Variants in EDIL3 observed in about 807,000 individuals in gnomAD.
The protein encoded by EDIL3 is EGF like and discoidin domains 3.
Under a neutral mutation model 67.4 loss-of-function variants are expected in EDIL3, and 37 were observed. The observed-to-expected ratio is 0.55, with a 90% CI of 0.42 to 0.72. The LOEUF is 0.72. Among genes scored for constraint, EDIL3 ranks in the 30% least tolerant of loss-of-function variants. The pLI is 0.00. For missense variants in EDIL3, 527 were observed against 586.3 expected, an observed-to-expected ratio of 0.90 and a Z score of 1.04; for synonymous variants, 195 against 196.3, an observed-to-expected ratio of 0.99 and a Z score of 0.05.
At position 84,122,747 on chromosome 5, in the gene EDIL3, A is replaced by G. The variant is rs557822744; in HGVS notation, c.469+14494T>C. On this transcript the variant is annotated intron_variant, in intron 5 of 10. Coordinates refer to ENST00000296591, the MANE Select transcript of EDIL3 (RefSeq NM_005711.5). ...TTAGATGTCTTGTTTATGAAGATGT[A>G]GGACAGTGATCTAACTCACTTTGTG... 7.2e-5 allele frequency among the ~76,000 whole-genome samples: 11 copies of G among 152,060 alleles called. No homozygotes were observed. The South Asian group carries it at 2.3e-3, about 31-fold the overall frequency.
intron 4 of EDIL3, among the ~76,000 whole-genome samples, chr5:84,165,910 C>T (rs1748695369): frequency 6.6e-6 from 1 of 152,144 alleles, no homozygotes; most frequent in African/African-American, 2.4e-5. Flanking sequence ...CTGCATTAAA[C>T]TTCAATTCCA....
chr5:84,071,255 A>G lies in EDIL3; in HGVS notation c.652-4649T>C, dbSNP rs148749579. Among the ~76,000 whole-genome samples, 578 of 152,332 alleles carry G rather than the reference A, an allele frequency of 3.8e-3. 1 individual carries two copies. The highest frequency in any genetic ancestry group is 0.013 in the African/African-American group (532 of 41,590). On this transcript the variant is annotated intron_variant, in intron 6 of 10. Transcript: ENST00000296591. ...TAAGGTATCCTCTCTACATCAACTCAATCCATTTGTAGTAGCTGAAGCTGG... is the reference window on the plus strand; with the variant it reads ...TAAGGTATCCTCTCTACATCAACTCGATCCATTTGTAGTAGCTGAAGCTGG...
chr5:84,104,719 G>A (rs189644473), intron 6 of EDIL3, among the ~76,000 whole-genome samples: 1 of 152,048 alleles, frequency 6.6e-6, no homozygotes, highest in African/African-American at 2.4e-5. Flanking sequence ...GTTGATCACT[G>A]TCCTGTTCGA....
At chr5:84,303,754 C>T (rs1328984797) in intron 1 of EDIL3, among the ~76,000 whole-genome samples, 1 of 151,676 alleles carries the variant, frequency 6.6e-6, no homozygotes, top group Non-Finnish European at 1.5e-5. Flanking sequence ...TCTTCCAGCT[C>T]TTTAATTCCA....
chr5:84,112,033 T>C (rs1468038542), intron 5 of EDIL3, among the ~76,000 whole-genome samples: 1 of 151,954 alleles, frequency 6.6e-6, no homozygotes, highest in Non-Finnish European at 1.5e-5. Flanking sequence ...TTAGAGGCAG[T>C]TCAGTATCAC....
intron 10 of EDIL3, among the ~76,000 whole-genome samples, chr5:83,962,511 C>A (rs190940334): frequency 7.8e-4 from 118 of 151,232 alleles, no homozygotes; most frequent in African/African-American, 2.7e-3. Flanking sequence ...AAAAGATGCT[C>A]AAAATGCTAA....
At chr5:84,295,206 A>G (rs545758813) in intron 1 of EDIL3, among the ~76,000 whole-genome samples, 1 of 152,230 alleles carries the variant, frequency 6.6e-6, no homozygotes, top group South Asian at 2.1e-4. Context: ...TGATTACATA[A>G]CTTTTAAAAA....
intron 1 of EDIL3, among the ~76,000 whole-genome samples, chr5:84,350,860 T>C (rs775122726): frequency 6.6e-6 from 1 of 152,142 alleles, no homozygotes; most frequent in Non-Finnish European, 1.5e-5. Flanking sequence ...AATGAAATAA[T>C]TTACTTATCA....
chr5:84,121,538 G>GATCTATCT (rs3046833), intron 5 of EDIL3, among the ~76,000 whole-genome samples: 2,973 of 129,834 alleles, frequency 0.023, 52 homozygotes, highest in East Asian at 0.078. Flanking sequence ...AACTTAGATC[G>GATCTATCT]ATCTATCTAT....
At chr5:84,305,949 G>C (rs1252425679) in intron 1 of EDIL3, among the ~76,000 whole-genome samples, 1 of 151,724 alleles carries the variant, frequency 6.6e-6, no homozygotes, top group Non-Finnish European at 1.5e-5. Context: ...AATACACTGT[G>C]TGCATATTGT....
At chr5:84,270,474 T>C (rs1173834186) in intron 1 of EDIL3, among the ~76,000 whole-genome samples, 1 of 90,886 alleles carries the variant, frequency 1.1e-5, no homozygotes, top group Non-Finnish European at 2.1e-5. Flanking sequence ...ATTATTTGCT[T>C]ACCTTACCAT....
intron 1 of EDIL3, among the ~76,000 whole-genome samples, chr5:84,295,739 T>C (rs74831663): frequency 0.01 from 1,527 of 152,302 alleles, 25 homozygotes; most frequent in African/African-American, 0.035. Flanking sequence ...ATTGTTTATA[T>C]ACAAAAACTT....
intron 6 of EDIL3, among the ~76,000 whole-genome samples, chr5:84,084,803 C>A (rs537889894): frequency 6.6e-6 from 1 of 152,170 alleles, no homozygotes; most frequent in African/African-American, 2.4e-5. Context: ...GATAGAGGAA[C>A]AAATGCTTTG....
chr5:84,382,728 C>T lies in EDIL3; in HGVS notation c.67+1580G>A, dbSNP rs1748110673. ...TCTCTTTTTTATATCGCTGGAGACT[C>T]GGCCGAGCAACTACTGGAACCATTA... On this transcript the variant is annotated intron_variant, in intron 1 of 10. Transcript: ENST00000296591. 1.3e-5 allele frequency among the ~76,000 whole-genome samples: 2 copies of T among 152,142 alleles called. 1 individual carries two copies. The highest frequency in any genetic ancestry group is 4.1e-4 in the South Asian group (2 of 4,826).
intron 1 of EDIL3, among the ~76,000 whole-genome samples, chr5:84,307,514 T>C (rs1479390091): frequency 2.6e-5 from 4 of 152,188 alleles, no homozygotes; most frequent in Admixed American, 6.5e-5. Flanking sequence ...AAAATCAGTA[T>C]AGTTTCTGGG....
intron 9 of EDIL3, among the ~76,000 whole-genome samples, chr5:83,972,431 A>C (rs897110574): frequency 1.3e-5 from 2 of 152,062 alleles, no homozygotes; most frequent in African/African-American, 4.8e-5. Flanking sequence ...ACCAACAGGC[A>C]TCCCAATGCA....
intron 1 of EDIL3, among the ~76,000 whole-genome samples, chr5:84,285,841 T>C (rs559612451): frequency 6.6e-6 from 1 of 152,284 alleles, no homozygotes; most frequent in African/African-American, 2.4e-5. Flanking sequence ...ATGGTGACTA[T>C]TCTGTCAGTG....
intron 1 of EDIL3, among the ~76,000 whole-genome samples, chr5:84,354,530 G>A (rs1482160273): frequency 6.6e-6 from 1 of 151,804 alleles, no homozygotes; most frequent in Non-Finnish European, 1.5e-5. Context: ...GGTGGTGCAT[G>A]CCTGTAATAC....
intron 1 of EDIL3, among the ~76,000 whole-genome samples, chr5:84,324,462 TAAG>T (rs1746710196): frequency 6.6e-6 from 1 of 151,754 alleles, no homozygotes; most frequent in African/African-American, 2.4e-5. Context: ...ATATTAGAAG[TAAG>T]AAGATCTCCA....
Sources: gnomAD v4.1 joint callset for allele counts (sites outside exome capture counted in the v4.1 genomes callset) on GRCh38, gnomAD v4.1.1 for gene constraint, MANE v1.5 for transcripts, NCBI Gene and HGNC (gene_info 2026-07-23, HGNC 2026-07-21) for gene names.